FBN1: variants seen among roughly 807,000 people sequenced by gnomAD.
The protein encoded by FBN1 is fibrillin-1.
FBN1 carries 29 observed loss-of-function variants against 365.1 expected under a neutral mutation model. That is an observed-to-expected ratio of 0.08 (90% CI 0.06 to 0.11). The LOEUF (loss-of-function observed/expected upper bound fraction) is 0.11, where lower values mean the gene tolerates loss of function less well. Ranked by LOEUF, FBN1 falls within the 10% of genes least tolerant of loss-of-function variation. The pLI, the probability that FBN1 is intolerant of heterozygous loss-of-function variation, is 1.00. For synonymous variants in FBN1, 1,210 were observed against 1,270.5 expected (o/e 0.95, Z 1.01); for missense variants, 2,476 against 3,703.2 (o/e 0.67, Z 8.60).
chr15:48,644,781 G>A lies in FBN1; in HGVS notation c.-12C>T, dbSNP rs1308087374. ...CGCCCTCGACGCATGATGCCGAGCCGCCACCGGCTCCCGCCGCCTCTTGCC... is the reference window on the plus strand; with the variant it reads ...CGCCCTCGACGCATGATGCCGAGCCACCACCGGCTCCCGCCGCCTCTTGCC... On this transcript the variant is annotated 5_prime_UTR_variant, in exon 2 of 66. Coordinates refer to ENST00000316623, the MANE Select transcript of FBN1 (RefSeq NM_000138.5). The A allele has an allele frequency of 1.3e-5, 21 of 1,601,976 alleles. No homozygotes were observed. Among genetic ancestry groups the A allele is most frequent in the Non-Finnish European group, 1.8e-5 (21 of 1,178,244 alleles).
intron 2 of FBN1, 90 bp downstream of exon 2, chr15:48,644,516 G>C: frequency 1.3e-6 from 2 of 1,585,540 alleles, no homozygotes; most frequent in Admixed American, 3.3e-5. Flanking sequence ...TCTTGCCAAG[G>C]AGTCTTCCAC....
chr15:48,555,011 G>A (rs1332329975), intron 6 of FBN1, among the ~76,000 whole-genome samples: 5 of 152,088 alleles, frequency 3.3e-5, no homozygotes, highest in Admixed American at 2.0e-4. Flanking sequence ...TTTCTTCAAC[G>A]TGAGACAGAA....
intron 24 of FBN1, 35 bp from the exon 25 acceptor site, chr15:48,490,113 C>T: frequency 6.3e-7 from 1 of 1,585,884 alleles, no homozygotes; most frequent in Non-Finnish European, 8.7e-7. Context: ...TAAATAGAGC[C>T]ACACGGCTTC....
intron 2 of FBN1, among the ~76,000 whole-genome samples, chr15:48,615,528 A>C (rs1253623682): frequency 3.9e-5 from 6 of 152,178 alleles, no homozygotes; most frequent in African/African-American, 1.4e-4. Context: ...AAAACATGGA[A>C]GATTTTACAA....
At chr15:48,637,059 T>C (rs1890107554) in intron 2 of FBN1, among the ~76,000 whole-genome samples, 1 of 152,178 alleles carries the variant, frequency 6.6e-6, no homozygotes, top group African/African-American at 2.4e-5. Context: ...GGTGGGAGCA[T>C]TCTAGGTCCT....
chr15:48,521,324 G>A (rs1308824344), intron 9 of FBN1, among the ~76,000 whole-genome samples: 1 of 152,132 alleles, frequency 6.6e-6, no homozygotes. Context: ...AGTTTTTGTT[G>A]TTGTTGTTGT....
At chr15:48,507,434 A>G (rs1327130295) in intron 15 of FBN1, among the ~76,000 whole-genome samples, 1 of 152,212 alleles carries the variant, frequency 6.6e-6, no homozygotes. Flanking sequence ...TCAAAAGTAC[A>G]GAAACCACCT....
At chr15:48,472,419 C>T in intron 35 of FBN1, 132 bp downstream of exon 35, 1 of 1,277,876 alleles carries the variant, frequency 7.8e-7, no homozygotes, top group Non-Finnish European at 1.1e-6. Context: ...ACAAACTGAA[C>T]TGACCAGCTT....
At chr15:48,532,758 A>G (rs2043984350) in intron 8 of FBN1, among the ~76,000 whole-genome samples, 1 of 152,090 alleles carries the variant, frequency 6.6e-6, no homozygotes, top group African/African-American at 2.4e-5. Context: ...CTCTGCTTCA[A>G]ATTTAGATCT....
At chr15:48,437,680 T>C in intron 51 of FBN1, 88 bp downstream of exon 51, 1 of 1,318,888 alleles carries the variant, frequency 7.6e-7, no homozygotes, top group Non-Finnish European at 1.1e-6. Context: ...TAAATTGTGT[T>C]ACTGTCTTTA....
rs2043593954 is a variant in FBN1 at position 48,495,114 on chromosome 15, T to C, written c.2677+9A>G. 5 of 1,613,908 alleles carry C rather than the reference T, an allele frequency of 3.1e-6. No individual in the cohort carries two copies. Among genetic ancestry groups the C allele is most frequent in the African/African-American group, 1.3e-5 (1 of 74,892 alleles). ...GTGGTATAGGAACCACAGCATGGGT[T>C]TCTCTTACCAACTTGGCATAGGGTG... On this transcript the variant is annotated intron_variant, in intron 22 of 65. Transcript: ENST00000316623.
At chr15:48,628,344 G>A (rs1175933489) in intron 2 of FBN1, among the ~76,000 whole-genome samples, 1 of 150,426 alleles carries the variant, frequency 6.6e-6, no homozygotes, top group African/African-American at 2.4e-5. Flanking sequence ...ATGCCGAAAT[G>A]AAGGTACAAA....
At chr15:48,571,586 G>GT (rs1486569480) in intron 6 of FBN1, among the ~76,000 whole-genome samples, 5 of 152,080 alleles carry the variant, frequency 3.3e-5, no homozygotes, top group Non-Finnish European at 5.9e-5. Flanking sequence ...TCAATAAAGA[G>GT]TAAATGTCTA....
At chr15:48,612,727 T>G (rs2044666505) in intron 3 of FBN1, among the ~76,000 whole-genome samples, 1 of 152,032 alleles carries the variant, frequency 6.6e-6, no homozygotes, top group Admixed American at 6.5e-5. Context: ...TAATACCCTT[T>G]CATTCAAACT....
At chr15:48,565,179 C>G (rs946007094) in intron 6 of FBN1, among the ~76,000 whole-genome samples, 1 of 152,118 alleles carries the variant, frequency 6.6e-6, no homozygotes, top group African/African-American at 2.4e-5. Flanking sequence ...CCTCCCCAGA[C>G]CCAGCAAAGT....
rs1479880933 is a variant in FBN1, at chr15:48,427,553, T to C, written c.7204+14A>G. 1.9e-6 allele frequency: 3 copies of C among 1,610,770 alleles called. No homozygotes were observed. Among genetic ancestry groups the C allele is most frequent in the Non-Finnish European group, 2.5e-6 (3 of 1,177,104 alleles). On this transcript the variant is annotated intron_variant, in intron 58 of 65. Transcript: ENST00000316623. ...AGATTCCCTGCAAGTATTTTTGGAC[T>C]ATAAATGAAGTACCTGCTCCATTGG... is the stretch of plus-strand genomic sequence containing the variant.
At chr15:48,432,303 A>G (rs12324242) in intron 55 of FBN1, among the ~76,000 whole-genome samples, 42 of 152,226 alleles carry the variant, frequency 2.8e-4, no homozygotes, top group African/African-American at 9.2e-4. Flanking sequence ...GGAGCAAATC[A>G]GAGCTCTTCA....
rs746894379 is a variant in FBN1 at position 48,492,446 on chromosome 15, G to A, written c.2854+15C>T. 10 of 1,610,284 alleles carry A rather than the reference G, an allele frequency of 6.2e-6. No homozygotes were observed. In the South Asian group the frequency reaches 7.7e-5, roughly 12 times the overall value. ...AATAAATTATTATTAGAAAAATAAT[G>A]AGCTCAGTATTTACCAAGACAGATC... On this transcript the variant is annotated intron_variant, in intron 24 of 65. Coordinates refer to ENST00000316623, the MANE Select transcript of FBN1 (RefSeq NM_000138.5).
intron 56 of FBN1, among the ~76,000 whole-genome samples, chr15:48,429,707 G>T (rs564232758): frequency 6.6e-6 from 1 of 152,344 alleles, no homozygotes; most frequent in African/African-American, 2.4e-5. Flanking sequence ...AGGATCCAGT[G>T]TGTGACAATT....
Sources: allele counts gnomAD v4.1 joint callset (sites outside exome capture counted in the v4.1 genomes callset), GRCh38; gene constraint gnomAD v4.1.1; transcripts MANE v1.5; gene names NCBI Gene and HGNC (gene_info 2026-07-23, HGNC 2026-07-21).